WHRN: variants seen among roughly 807,000 people sequenced by gnomAD.
WHRN encodes CASK-interacting protein CIP98.
WHRN carries 41 observed loss-of-function variants against 68.3 expected under a neutral mutation model. The observed-to-expected ratio is 0.60, with a 90% CI of 0.47 to 0.78. WHRN has a LOEUF of 0.78. Ranked by LOEUF, WHRN falls within the 30% of genes least tolerant of loss-of-function variation. WHRN has a pLI of 0.00. For missense variants in WHRN, 1,243 were observed against 1,244.7 expected (o/e 1.00, Z 0.02); for synonymous variants, 560 against 561.3 (o/e 1.00, Z 0.03).
intron 3 of WHRN, among the ~76,000 whole-genome samples, chr9:114,430,995 C>T (rs918372509): frequency 6.6e-5 from 10 of 152,148 alleles, no homozygotes; most frequent in Admixed American, 1.3e-4. Flanking sequence ...AAAGCTTCCC[C>T]AGGTCTAGGA....
intron 3 of WHRN, among the ~76,000 whole-genome samples, chr9:114,461,731 C>T (rs1379366340): frequency 2.0e-5 from 3 of 152,226 alleles, no homozygotes; most frequent in Non-Finnish European, 4.4e-5. Context: ...AACCGAAATG[C>T]TTCCTCCTCC....
chr9:114,457,599 A>C (rs1251093838), intron 3 of WHRN, among the ~76,000 whole-genome samples: 1 of 152,124 alleles, frequency 6.6e-6, no homozygotes, highest in African/African-American at 2.4e-5. Context: ...TGTGGGCAAG[A>C]ATCACAAGTA....
chr9:114,478,510 T>C (rs770180137), intron 2 of WHRN, 43 bp downstream of exon 2: 26 of 1,605,534 alleles, frequency 1.6e-5, no homozygotes, highest in Non-Finnish European at 2.2e-5. Flanking sequence ...GGAGGGAGAA[T>C]ACGGTGTCTG....
Position 114,408,007 on chromosome 9 carries a change from G to A in WHRN, c.1638C>T (p.Asp546=). The part of the protein sequence containing the change: ...TTVSSARNTL[D]LEETGEAVQG... ...GGACAGCCTCGCCAGTTTCCTCCAG[G>A]TCCAGAGTGTTCTAGAAATGGACGA... The change falls in exon 8 of 12, where the codon GAC becomes GAT. Residue 546 remains aspartate (D), a synonymous_variant. Coordinates refer to ENST00000362057, the MANE Select transcript of WHRN (RefSeq NM_015404.4). The A allele has an allele frequency of 6.2e-7, 1 of 1,601,252 alleles. No homozygotes were observed. The highest frequency in any genetic ancestry group is 1.1e-5 in the South Asian group (1 of 88,848).
At chr9:114,444,098 C>T (rs1838618795) in intron 3 of WHRN, among the ~76,000 whole-genome samples, 1 of 152,172 alleles carries the variant, frequency 6.6e-6, no homozygotes, top group African/African-American at 2.4e-5. Flanking sequence ...GAGTACAATT[C>T]AAGACGATAT....
chr9:114,416,826 G>A (rs1303967264), intron 7 of WHRN, among the ~76,000 whole-genome samples: 1 of 152,188 alleles, frequency 6.6e-6, no homozygotes, highest in African/African-American at 2.4e-5. Context: ...TGAATCTTCA[G>A]AACAACCCAG....
chr9:114,410,245 C>T (rs989769313), intron 7 of WHRN, among the ~76,000 whole-genome samples: 1 of 152,216 alleles, frequency 6.6e-6, no homozygotes, highest in African/African-American at 2.4e-5. Context: ...TCTTTGCATA[C>T]TGTCTGTCTC....
At chr9:114,446,881 T>C (rs1838866596) in intron 3 of WHRN, among the ~76,000 whole-genome samples, 1 of 151,868 alleles carries the variant, frequency 6.6e-6, no homozygotes, top group Non-Finnish European at 1.5e-5. Flanking sequence ...TTGGAGCATG[T>C]CTCCTTCCCT....
intron 3 of WHRN, among the ~76,000 whole-genome samples, chr9:114,442,504 A>C (rs1838460099): frequency 6.6e-6 from 1 of 152,228 alleles, no homozygotes; most frequent in South Asian, 2.1e-4. Flanking sequence ...ATCTGGGTGA[A>C]GGGCTGATAT....
At chr9:114,457,808 C>G (rs775651306) in intron 3 of WHRN, among the ~76,000 whole-genome samples, 10 of 151,320 alleles carry the variant, frequency 6.6e-5, no homozygotes, top group African/African-American at 2.4e-4. Context: ...CCCAGCTACT[C>G]GGGAGGCTGA....
At chr9:114,443,170 C>T (rs947071654) in intron 3 of WHRN, among the ~76,000 whole-genome samples, 1 of 152,204 alleles carries the variant, frequency 6.6e-6, no homozygotes, top group East Asian at 1.9e-4. Context: ...CCAAGTGCCT[C>T]CCAAGGGGAA....
chr9:114,450,940 T>C (rs1564169244), intron 3 of WHRN, among the ~76,000 whole-genome samples: 2 of 152,178 alleles, frequency 1.3e-5, no homozygotes, highest in African/African-American at 2.4e-5. Flanking sequence ...ATGACAGACA[T>C]TGAATCATCT....
chr9:114,477,465 G>A (rs1390169055), intron 2 of WHRN, among the ~76,000 whole-genome samples: 1 of 152,262 alleles, frequency 6.6e-6, no homozygotes, highest in South Asian at 2.1e-4. Context: ...AACAGTACAG[G>A]TCTGGGGTCA....
intron 3 of WHRN, among the ~76,000 whole-genome samples, chr9:114,433,486 T>C (rs1460168618): frequency 6.6e-6 from 1 of 152,228 alleles, no homozygotes; most frequent in African/African-American, 2.4e-5. Flanking sequence ...GAGGTCCCTG[T>C]TGGCTACAGC....
intron 3 of WHRN, among the ~76,000 whole-genome samples, chr9:114,451,634 C>T (rs1445158542): frequency 6.6e-6 from 1 of 151,194 alleles, no homozygotes; most frequent in Non-Finnish European, 1.5e-5. Context: ...GCAGTAAATT[C>T]AAGCTGCCTA....
intron 2 of WHRN, 169 bp downstream of exon 2, chr9:114,478,384 C>G (rs1327133148): frequency 1.3e-6 from 1 of 768,842 alleles, no homozygotes; most frequent in Non-Finnish European, 2.3e-6. Context: ...CTACACAGGT[C>G]AAAAAGAAAA....
At chr9:114,500,907 C>T (rs1239068922) in intron 1 of WHRN, among the ~76,000 whole-genome samples, 1 of 152,214 alleles carries the variant, frequency 6.6e-6, no homozygotes, top group Admixed American at 6.5e-5. Context: ...GTGCCAAGAT[C>T]CTCATCTCCC....
intron 3 of WHRN, among the ~76,000 whole-genome samples, chr9:114,455,022 AC>A (rs971892473): frequency 9.2e-5 from 14 of 152,172 alleles, no homozygotes; most frequent in Non-Finnish European, 1.8e-4. Context: ...AAACAAATGA[AC>A]CTCAATCTCA....
chr9:114,453,420 G>A (rs559324599), intron 3 of WHRN, among the ~76,000 whole-genome samples: 1 of 152,210 alleles, frequency 6.6e-6, no homozygotes, highest in South Asian at 2.1e-4. Flanking sequence ...CATGAGATTC[G>A]GAGAGGACAA....
Sources: gnomAD v4.1 joint callset for allele counts (sites outside exome capture counted in the v4.1 genomes callset) on GRCh38, gnomAD v4.1.1 for gene constraint, MANE v1.5 for transcripts, NCBI Gene and HGNC (gene_info 2026-07-23, HGNC 2026-07-21) for gene names.